LRP6: variants seen among roughly 807,000 people sequenced by gnomAD.
LRP6 encodes the protein LDL receptor related protein 6, also known as low-density lipoprotein receptor-related protein 6.
Under a neutral mutation model 184.1 loss-of-function variants are expected in LRP6, and 43 were observed. The observed-to-expected ratio is 0.23, with a 90% confidence interval of 0.18 to 0.30. The LOEUF (loss-of-function observed/expected upper bound fraction) is 0.30. LRP6 is among the 10% of genes least tolerant of loss of function. The pLI, the probability that LRP6 is intolerant of heterozygous loss-of-function variation, is 1.00. For missense variants in LRP6, 1,571 were observed against 2,005.3 expected, an observed-to-expected ratio of 0.78 and a Z score of 4.14; for synonymous variants, 719 against 684.9, an observed-to-expected ratio of 1.05 and a Z score of -0.78.
chr12:12,251,413 G>T (rs1865322029), intron 1 of LRP6, among the ~76,000 whole-genome samples: 1 of 151,950 alleles, frequency 6.6e-6, no homozygotes, highest in Admixed American at 6.6e-5. Context: ...ACCCAGGCTG[G>T]AGAGCAGTGG....
rs377550979 is a variant in LRP6 at position 12,266,996 on chromosome 12, C to T, written c.-261G>A. The T allele has an allele frequency of 7.6e-6, 4 of 524,474 alleles. No homozygotes were observed. Among genetic ancestry groups the T allele is most frequent in the African/African-American group, 4.1e-5 (2 of 48,524 alleles). 32.5% of individuals were successfully genotyped at this position (524,474 alleles called of 1,614,324 possible). A position where few individuals can be genotyped will look rare whatever the true frequency, so the allele number is the denominator to read the frequency against. On this transcript the variant is annotated 5_prime_UTR_variant, in exon 1 of 23. Coordinates refer to ENST00000261349, the MANE Select transcript of LRP6 (RefSeq NM_002336.3). ...TCCTCCCCCGGCGCCCCGCTTCCCC[C>T]GCGCAGCTCCTCATTCAGCCTCTGC...
chr12:12,143,656 G>A (rs1386958666), intron 15 of LRP6, among the ~76,000 whole-genome samples: 1 of 151,972 alleles, frequency 6.6e-6, no homozygotes, highest in East Asian at 1.9e-4. Context: ...AGTAAATGAT[G>A]CTGAATCCAA....
At chr12:12,230,784 T>C (rs1235835622) in intron 2 of LRP6, among the ~76,000 whole-genome samples, 1 of 152,184 alleles carries the variant, frequency 6.6e-6, no homozygotes, top group Non-Finnish European at 1.5e-5. Context: ...TTTTATTTGA[T>C]TTGTACATAT....
intron 1 of LRP6, among the ~76,000 whole-genome samples, chr12:12,263,638 T>C (rs1476113572): frequency 6.7e-6 from 1 of 148,250 alleles, no homozygotes; most frequent in Non-Finnish European, 1.5e-5. Context: ...AGCCCAGGAG[T>C]TTAAGACCAT....
At chr12:12,208,569 T>C (rs556341002) in intron 2 of LRP6, among the ~76,000 whole-genome samples, 2 of 152,326 alleles carry the variant, frequency 1.3e-5, no homozygotes, top group South Asian at 2.1e-4. Context: ...TCAGAGTTTG[T>C]AGATAAACTA....
intron 1 of LRP6, among the ~76,000 whole-genome samples, chr12:12,246,562 T>C (rs868777013): frequency 3.3e-5 from 5 of 151,452 alleles, no homozygotes; most frequent in Admixed American, 1.3e-4. Context: ...CCAGGCATAG[T>C]GGTGCACGCC....
rs1865783162 is a variant in LRP6, at chr12:12,266,868, A to AAAGG, written c.-137_-134dup. On this transcript the variant is annotated 5_prime_UTR_variant, in exon 1 of 23. Transcript: ENST00000261349. ...CCAGCTTCCCAGCGAGAGAAGAAAG[A>AAAGG]AAGGGGCACGTCAAGGTTCCGCGCG... 10 of 804,068 alleles carry AAAGG rather than the reference A, an allele frequency of 1.2e-5. No individual in the cohort carries two copies. The South Asian group carries it at 1.5e-4, about 12-fold the overall frequency. 49.8% of individuals were successfully genotyped at this position (804,068 alleles called of 1,614,324 possible).
At chr12:12,156,682 T>G (rs1272666008) in intron 12 of LRP6, among the ~76,000 whole-genome samples, 1 of 152,240 alleles carries the variant, frequency 6.6e-6, no homozygotes, top group African/African-American at 2.4e-5. Flanking sequence ...AAAAATCCAG[T>G]GTATGCTATT....
At chr12:12,236,477 G>A (rs1348177391) in intron 2 of LRP6, among the ~76,000 whole-genome samples, 3 of 152,166 alleles carry the variant, frequency 2.0e-5, no homozygotes, top group Admixed American at 1.3e-4. Flanking sequence ...ATCGCTGGGC[G>A]GGGTGACGGG....
At chr12:12,212,943 G>T (rs570059670) in intron 2 of LRP6, among the ~76,000 whole-genome samples, 1 of 152,136 alleles carries the variant, frequency 6.6e-6, no homozygotes, top group Non-Finnish European at 1.5e-5. Context: ...CCCAGATGCC[G>T]CAGGGACAAA....
At chr12:12,179,750 T>C (rs1863294812) in intron 7 of LRP6, 60 bp downstream of exon 7, 4 of 1,551,140 alleles carry the variant, frequency 2.6e-6, no homozygotes, top group African/African-American at 1.4e-5. Context: ...CAAATCATTA[T>C]ACTGTCGACT....
chr12:12,176,550 T>C (rs945572943), intron 7 of LRP6, among the ~76,000 whole-genome samples: 2 of 152,188 alleles, frequency 1.3e-5, no homozygotes, highest in African/African-American at 2.4e-5. Flanking sequence ...CTGTACAATA[T>C]AAAAACACAT....
intron 3 of LRP6, among the ~76,000 whole-genome samples, chr12:12,198,010 C>T (rs1863811103): frequency 1.3e-5 from 2 of 152,224 alleles, no homozygotes; most frequent in Non-Finnish European, 1.5e-5. Flanking sequence ...GCAACCTCTG[C>T]AAAATTCAAG....
chr12:12,155,199 C>A (rs1200338668), intron 12 of LRP6: 2 of 600,360 alleles, frequency 3.3e-6, no homozygotes, highest in African/African-American at 3.7e-5. Context: ...CTGTCTCAAA[C>A]AAACAAACAA....
At position 12,210,081 on chromosome 12, in the gene LRP6, G is replaced by C. The variant is rs17758243; in HGVS notation, c.450-6681C>G. Among the ~76,000 whole-genome samples the C allele has an allele frequency of 8.9e-3, 1,352 of 152,168 alleles. 20 individuals carry two copies. The highest frequency in any genetic ancestry group is 0.014 in the Non-Finnish European group (936 of 67,994). On this transcript the variant is annotated intron_variant, in intron 2 of 22. Coordinates refer to ENST00000261349, the MANE Select transcript of LRP6 (RefSeq NM_002336.3). ...TCCATAGAGCTGTAGCATATCGTGAGGTACATTGACAATGAAAGAAATCCC... is the reference window on the plus strand; with the variant it reads ...TCCATAGAGCTGTAGCATATCGTGACGTACATTGACAATGAAAGAAATCCC...
At chr12:12,134,802 T>C (rs1454241766) in intron 17 of LRP6, among the ~76,000 whole-genome samples, 2 of 152,216 alleles carry the variant, frequency 1.3e-5, no homozygotes, top group African/African-American at 4.8e-5. Context: ...CTGAAAAGTG[T>C]GGTAATATAT....
At chr12:12,207,496 C>T (rs572525821) in intron 2 of LRP6, among the ~76,000 whole-genome samples, 28 of 152,004 alleles carry the variant, frequency 1.8e-4, no homozygotes, top group Admixed American at 4.6e-4. Context: ...ATTGCACCAC[C>T]GCACTTTTGA....
At chr12:12,183,902 G>A in intron 5 of LRP6, 78 bp downstream of exon 5, 1 of 1,329,370 alleles carries the variant, frequency 7.5e-7, no homozygotes, top group Non-Finnish European at 1.1e-6. Flanking sequence ...ATAACCTAGA[G>A]AGCTGATTAT....
At chr12:12,260,306 G>A (rs1188115333) in intron 1 of LRP6, among the ~76,000 whole-genome samples, 2 of 151,664 alleles carry the variant, frequency 1.3e-5, no homozygotes, top group Admixed American at 1.3e-4. Context: ...TGAACCCGGG[G>A]GGCGGAGCTT....
Sources: allele counts gnomAD v4.1 joint callset (sites outside exome capture counted in the v4.1 genomes callset), GRCh38; gene constraint gnomAD v4.1.1; transcripts MANE v1.5; gene names NCBI Gene and HGNC (gene_info 2026-07-23, HGNC 2026-07-21).